Variants in ANK2 observed in about 807,000 individuals in gnomAD.
ANK2 encodes the protein ankyrin-2.
ANK2 carries 83 observed loss-of-function variants against 360.5 expected under a neutral mutation model. The ratio of observed to expected loss-of-function variants is 0.23; its 90% confidence interval spans 0.19 to 0.28. The LOEUF is 0.28. Among genes scored for constraint, ANK2 ranks in the 10% least tolerant of loss-of-function variants. ANK2 has a pLI of 1.00. For missense variants in ANK2, 4,201 were observed against 4,795.7 expected (o/e 0.88, Z 3.66); for synonymous variants, 1,740 against 1,759.5 (o/e 0.99, Z 0.28).
intron 4 of ANK2, among the ~76,000 whole-genome samples, chr4:113,227,312 C>T (rs1426391900): frequency 6.6e-6 from 1 of 152,178 alleles, no homozygotes; most frequent in Non-Finnish European, 1.5e-5. Flanking sequence ...TTTATGTACA[C>T]TATTGCAAAG....
intron 1 of ANK2, among the ~76,000 whole-genome samples, chr4:113,133,344 C>A (rs1359480274): frequency 1.3e-5 from 2 of 152,068 alleles, no homozygotes; most frequent in African/African-American, 4.8e-5. Context: ...ACTCTATACT[C>A]GACTTTTTAC....
intron 1 of ANK2, among the ~76,000 whole-genome samples, chr4:113,062,951 G>T (rs1289972962): frequency 3.3e-5 from 5 of 152,004 alleles, no homozygotes; most frequent in African/African-American, 1.2e-4. Flanking sequence ...TATGTCTGTT[G>T]ACCTTAAAAT....
intron 1 of ANK2, among the ~76,000 whole-genome samples, chr4:112,864,547 C>T (rs765388085): frequency 3.3e-5 from 5 of 151,746 alleles, no homozygotes; most frequent in Admixed American, 1.3e-4. Flanking sequence ...CGACCTCAGG[C>T]GATATGCCCA....
intron 45 of ANK2, among the ~76,000 whole-genome samples, chr4:113,379,990 T>G (rs896750151): frequency 7.2e-5 from 11 of 152,298 alleles, no homozygotes; most frequent in African/African-American, 2.6e-4. Context: ...AGTGTATGGT[T>G]ATGGACTCAG....
At position 113,011,197 on chromosome 4, in the gene ANK2, C is replaced by A. The variant is rs972733740; in HGVS notation, c.21+106683C>A. Among the ~76,000 whole-genome samples, 5 of 152,178 alleles carry A rather than the reference C, an allele frequency of 3.3e-5. No individual in the cohort carries two copies. The East Asian group carries it at 9.6e-4, about 29-fold the overall frequency. On this transcript the variant is annotated intron_variant, in intron 2 of 30. Coordinates refer to the ANK2 transcript ENST00000503271. ...TCGCTAATGTCACATTTTTATACAT[C>A]TATGCTGTTTCCATTTAGGTTATTC... is the stretch of plus-strand genomic sequence containing the variant.
Position 113,323,785 on chromosome 4 carries a change from A to G in ANK2, c.2900+5165A>G, listed in dbSNP as rs759647520. On this transcript the variant is annotated intron_variant, in intron 26 of 45. Coordinates refer to ENST00000357077, the MANE Select transcript of ANK2 (RefSeq NM_001148.6). ...CGCGCCTCTCCATGTCTTGAACGTG[A>G]CAACAGCAGGTGAACTACTGCATAA... 81 of 1,611,668 alleles carry G rather than the reference A, an allele frequency of 5.0e-5. No homozygotes were observed. In the East Asian group the frequency reaches 1.2e-3, roughly 25 times the overall value.
chr4:113,020,423 T>C (rs2057747778), intron 2 of ANK2, among the ~76,000 whole-genome samples: 1 of 152,180 alleles, frequency 6.6e-6, no homozygotes, highest in Admixed American at 6.5e-5. Context: ...CTCTAACTCC[T>C]GGGCTCAAGC....
chr4:113,308,183 A>G (rs896267059), intron 23 of ANK2, among the ~76,000 whole-genome samples: 1 of 152,238 alleles, frequency 6.6e-6, no homozygotes, highest in Non-Finnish European at 1.5e-5. Flanking sequence ...ATTCAAACAA[A>G]TAAGAGCTAA....
chr4:112,965,358 T>A (rs1268859512), intron 2 of ANK2, among the ~76,000 whole-genome samples: 1 of 152,256 alleles, frequency 6.6e-6, no homozygotes, highest in African/African-American at 2.4e-5. Flanking sequence ...GATTAGATTT[T>A]TTTTTCCTAT....
At chr4:113,153,344 G>A (rs1190166919) in intron 1 of ANK2, among the ~76,000 whole-genome samples, 1 of 152,074 alleles carries the variant, frequency 6.6e-6, no homozygotes, top group Non-Finnish European at 1.5e-5. Flanking sequence ...CTTTCTGAAG[G>A]ATATTAGAAA....
chr4:113,183,661 T>C (rs938355432), intron 2 of ANK2, among the ~76,000 whole-genome samples: 70 of 152,122 alleles, frequency 4.6e-4, no homozygotes, highest in African/African-American at 1.6e-3. Context: ...TAAGTGCTGT[T>C]CAGAGGGTTG....
intron 26 of ANK2, chr4:113,323,825 A>G (rs560095110): frequency 6.2e-7 from 1 of 1,601,222 alleles, no homozygotes; most frequent in African/African-American, 1.3e-5. Flanking sequence ...TTCTCTGAAC[A>G]TGTTGCCTAT....
In ANK2 at chr4:113,287,596, T is replaced by C. The variant is rs759250870; in HGVS notation, c.2080-9T>C. 1 of 1,585,494 alleles carries C rather than the reference T, an allele frequency of 6.3e-7. No homozygotes were observed. The highest frequency in any genetic ancestry group is 1.1e-5 in the South Asian group (1 of 90,506). ...CAACTGTATCCCTTTGGTTCCATTC[T>C]TTCTGTAGAGTGGACTCACATCCTT... On this transcript the variant is annotated splice_polypyrimidine_tract_variant and intron_variant, in intron 18 of 45. Coordinates refer to ENST00000357077, the MANE Select transcript of ANK2 (RefSeq NM_001148.6).
At chr4:112,875,719 T>TTG (rs1298106437) in intron 1 of ANK2, among the ~76,000 whole-genome samples, 2 of 151,354 alleles carry the variant, frequency 1.3e-5, no homozygotes, top group African/African-American at 4.9e-5. Flanking sequence ...TTCTGGATAT[T>TTG]TGTGTGTGTG....
intron 1 of ANK2, among the ~76,000 whole-genome samples, chr4:112,891,508 C>T (rs1181469616): frequency 2.0e-5 from 3 of 152,120 alleles, no homozygotes; most frequent in Non-Finnish European, 4.4e-5. Flanking sequence ...AAACTAGAAT[C>T]TATAAATGCC....
the ANK2 span, among the ~76,000 whole-genome samples, chr4:112,754,034 G>T: frequency 6.7e-6 from 1 of 149,092 alleles, no homozygotes; most frequent in South Asian, 2.1e-4. Flanking sequence ...GGAGGCAGAG[G>T]TTGCAGTGAG....
chr4:113,101,628 C>T (rs1361667980), intron 1 of ANK2, among the ~76,000 whole-genome samples: 1 of 151,834 alleles, frequency 6.6e-6, no homozygotes, highest in Non-Finnish European at 1.5e-5. Context: ...TTTTTGGCAC[C>T]AGGAACTTGT....
Position 113,096,108 on chromosome 4 carries a change from G to A in ANK2, c.84+46296G>A, listed in dbSNP as rs1363808857. ...AGGGTTCAAATATAAGGAGCACTCA[G>A]AAGCTGACCAGGAGTTCAGTGCCTG... On this transcript the variant is annotated intron_variant, in intron 1 of 45. Transcript: ENST00000357077. Among the ~76,000 whole-genome samples, 4 of 152,300 alleles carry A rather than the reference G, an allele frequency of 2.6e-5. No individual in the cohort carries two copies. The East Asian group carries it at 7.7e-4, about 29-fold the overall frequency.
At chr4:112,755,992 C>T in the ANK2 span, 1 of 152,006 alleles carries the variant, frequency 6.6e-6, no homozygotes, top group Non-Finnish European at 1.5e-5. Flanking sequence ...GTAATCCCAG[C>T]ACTTTGGGAG....
Sources: gnomAD v4.1 joint callset for allele counts (sites outside exome capture counted in the v4.1 genomes callset) on GRCh38, gnomAD v4.1.1 for gene constraint, MANE v1.5 for transcripts, NCBI Gene and HGNC (gene_info 2026-07-23, HGNC 2026-07-21) for gene names.